Variants in WFDC1 observed in about 807,000 individuals in gnomAD.
The protein encoded by WFDC1 is WAP four-disulfide core domain protein 1.
WFDC1 carries 39 observed loss-of-function variants against 32.9 expected under a neutral mutation model. The ratio of observed to expected loss-of-function variants is 1.19; its 90% CI spans 0.92 to 1.55. The LOEUF (loss-of-function observed/expected upper bound fraction) is 1.55, where lower values mean the gene tolerates loss of function less well. WFDC1 is among the 40% of genes most tolerant of loss of function. WFDC1 has a pLI of 0.00. For synonymous variants in WFDC1, 184 were observed against 137.4 expected (o/e 1.34, Z -2.37); for missense variants, 386 against 309.5 (o/e 1.25, Z -1.85).
intron 1 of WFDC1, chr16:84,295,326 A>G (rs1906530297): frequency 3.5e-6 from 2 of 576,744 alleles, no homozygotes; most frequent in Admixed American, 3.6e-5. Context: ...TCAAGAGGCA[A>G]AAGACACATC....
Position 84,324,469 on chromosome 16 carries a change from A to G in WFDC1, c.604+9A>G. 1.2e-6 allele frequency: 2 copies of G among 1,613,164 alleles called. No individual in the cohort carries two copies. Among genetic ancestry groups the G allele is most frequent in the Non-Finnish European group, 1.7e-6 (2 of 1,179,680 alleles). On this transcript the variant is annotated intron_variant, in intron 5 of 6. Coordinates refer to ENST00000219454, the MANE Select transcript of WFDC1 (RefSeq NM_021197.4). Reference sequence around the variant, plus strand: ...TTACAAAGAATATCCAGGTAAAAGAAGAAACTGTTCTTTCTTTCCAGAGGG... The same window carrying G: ...TTACAAAGAATATCCAGGTAAAAGAGGAAACTGTTCTTTCTTTCCAGAGGG...
chr16:84,310,629 A>C (rs994730929), intron 1 of WFDC1, among the ~76,000 whole-genome samples: 6 of 152,294 alleles, frequency 3.9e-5, no homozygotes, highest in Middle Eastern at 3.4e-3. Context: ...GATCTTGTGT[A>C]TCCTTCCAAA....
intron 1 of WFDC1, chr16:84,297,064 C>T (rs1023692427): frequency 2.6e-5 from 4 of 152,204 alleles, no homozygotes; most frequent in African/African-American, 7.2e-5. Flanking sequence ...CTGATTTTAT[C>T]TCCACCATGT....
intron 1 of WFDC1, among the ~76,000 whole-genome samples, chr16:84,311,527 CTTT>C (rs35243949): frequency 1.1e-5 from 1 of 88,696 alleles, no homozygotes. Context: ...TGCGCCTGGA[CTTT>C]TTTTTTTTTT....
In WFDC1 at chr16:84,317,458, C is replaced by G. The variant is rs1236830899; in HGVS notation, c.338-814C>G. 3 of 152,318 alleles carry G rather than the reference C, an allele frequency of 2.0e-5. No individual in the cohort carries two copies. In the East Asian group the frequency reaches 5.8e-4, roughly 29 times the overall value. The allele number at this position is 152,318 out of a possible 1,614,324, so 9.4% of individuals were successfully genotyped here. A position where few individuals can be genotyped will look rare whatever the true frequency, so the allele number is the denominator to read the frequency against. Reference sequence around the variant, plus strand: ...AGCTGATTCATCCAGGCAGGAGGCACTCTCTGCTTTGCTGTGGCCCTGCCT... The same window carrying G: ...AGCTGATTCATCCAGGCAGGAGGCAGTCTCTGCTTTGCTGTGGCCCTGCCT... On this transcript the variant is annotated intron_variant, in intron 2 of 6. Coordinates refer to ENST00000219454, the MANE Select transcript of WFDC1 (RefSeq NM_021197.4).
chr16:84,322,160 C>CGTGTGTGTGTGTGCGTGTGTGTGTGT (rs1908344846), intron 4 of WFDC1, among the ~76,000 whole-genome samples: 1 of 142,186 alleles, frequency 7.0e-6, no homozygotes, highest in South Asian at 2.4e-4. Context: ...TGTGTGTGTG[C>CGTGTGTGTGTGTGCGTGTGTGTGTGT]GTGTGTGTGT....
chr16:84,312,446 A>G lies in WFDC1; in HGVS notation c.145-515A>G, dbSNP rs534579247. On this transcript the variant is annotated intron_variant, in intron 1 of 6. Transcript: ENST00000219454. Reference sequence around the variant, plus strand: ...TTGATCTGGCTTTTTTCCTTTCTTTATTTTCTGAGATGTAGCGATGTTGTT... The same window carrying G: ...TTGATCTGGCTTTTTTCCTTTCTTTGTTTTCTGAGATGTAGCGATGTTGTT... Among the ~76,000 whole-genome samples the G allele has an allele frequency of 9.9e-5, 15 of 151,890 alleles. No individual in the cohort carries two copies. In the South Asian group the frequency reaches 2.1e-3, roughly 21 times the overall value.
At chr16:84,297,048 T>C (rs1852628280) in intron 1 of WFDC1, 1 of 152,202 alleles carries the variant, frequency 6.6e-6, no homozygotes, top group African/African-American at 2.4e-5. Flanking sequence ...ATTGCCAATA[T>C]GTCATCTGAT....
rs550126282 is a variant in WFDC1 at position 84,313,069 on chromosome 16, G to A, written c.253G>A (p.Ala85Thr). 9.0e-4 allele frequency: 1,275 copies of A among 1,419,250 alleles called. 3 individuals carry two copies. The highest frequency in any genetic ancestry group is 1.1e-3 in the Non-Finnish European group (1,227 of 1,091,264). The allele number at this position is 1,419,250 out of a possible 1,614,324, so 87.9% of individuals were successfully genotyped here. A position where few individuals can be genotyped will look rare whatever the true frequency, so the allele number is the denominator to read the frequency against. ...CGCCTGCCAGGCCGCGCGCTGTCAG[G>A]CGGACTCCGAGTGCCCGCGGCACCG... ...PGACQAARCQADSECPRHRRC... is the reference protein window; with the variant it reads ...PGACQAARCQTDSECPRHRRC... Residue 85 changes from alanine (A) to threonine (T), a missense_variant, in exon 2 of 7, where the codon GCG (alanine) becomes ACG (threonine). Ala to Thr is a moderately conservative substitution (Grantham distance 58, BLOSUM62 0). Transcript: ENST00000219454.
intron 2 of WFDC1, 46 bp downstream of exon 2, chr16:84,313,199 G>A (rs900101920): frequency 7.3e-7 from 1 of 1,374,564 alleles, no homozygotes. Context: ...GAGGACAGGT[G>A]AACAGAGCTG....
At chr16:84,326,820 A>AT in intron 5 of WFDC1, 62 bp from the exon 6 acceptor site, 1 of 1,595,512 alleles carries the variant, frequency 6.3e-7, no homozygotes, top group Non-Finnish European at 8.6e-7. Context: ...CTGGTGAGCC[A>AT]CGGGGGGCAT....
intron 1 of WFDC1, among the ~76,000 whole-genome samples, chr16:84,296,127 C>CA (rs1906583558): frequency 6.6e-6 from 1 of 152,168 alleles, no homozygotes; most frequent in Admixed American, 6.5e-5. Flanking sequence ...CGGAGTGAGC[C>CA]AGGACGATAT....
chr16:84,308,894 T>C (rs1907440318), intron 1 of WFDC1, among the ~76,000 whole-genome samples: 1 of 152,112 alleles, frequency 6.6e-6, no homozygotes, highest in Admixed American at 6.6e-5. Context: ...GATGCCATCC[T>C]GGGTGTAGAC....
chr16:84,311,890 G>T lies in WFDC1; in HGVS notation c.145-1071G>T, dbSNP rs565948491. On this transcript the variant is annotated intron_variant, in intron 1 of 6. Transcript: ENST00000219454. ...ATTAAAACATAATACTTCGGGCCAG[G>T]CGCGGTGGCTCACACCTGTAATCCC... Among the ~76,000 whole-genome samples the T allele has an allele frequency of 1.1e-3, 165 of 152,032 alleles. 1 individual carries two copies. Among genetic ancestry groups the T allele is most frequent in the African/African-American group, 3.8e-3 (157 of 41,466 alleles).
chr16:84,326,778 G>A, intron 5 of WFDC1, 104 bp from the exon 6 acceptor site: 2 of 1,388,470 alleles, frequency 1.4e-6, no homozygotes, highest in Non-Finnish European at 2.0e-6. Context: ...AGGGAGGAGA[G>A]GGCCAGGTCA....
intron 1 of WFDC1, among the ~76,000 whole-genome samples, chr16:84,299,484 A>G (rs1398379332): frequency 6.6e-6 from 1 of 152,132 alleles, no homozygotes; most frequent in Non-Finnish European, 1.5e-5. Context: ...TAACCTTTCC[A>G]TGGAGCTCAG....
chr16:84,326,838 G>T (rs1291768258), intron 5 of WFDC1, 44 bp from the exon 6 acceptor site: 4 of 1,613,262 alleles, frequency 2.5e-6, no homozygotes, highest in Non-Finnish European at 3.4e-6. Flanking sequence ...CATTAGAGCA[G>T]GAATAGATAC....
At chr16:84,319,301 G>C (rs1227441253) in intron 3 of WFDC1, 130 bp from the exon 4 acceptor site, 12 of 1,319,446 alleles carry the variant, frequency 9.1e-6, no homozygotes, top group Non-Finnish European at 1.2e-5. Flanking sequence ...CTGGGGTACA[G>C]AGGCGAGGCC....
rs1239712877 is a variant in WFDC1 at position 84,318,186 on chromosome 16, A to C, written c.338-86A>C. 4.0e-6 allele frequency: 5 copies of C among 1,265,008 alleles called. No individual in the cohort carries two copies. The African/African-American group carries it at 4.4e-5, about 11-fold the overall frequency. The allele number at this position is 1,265,008 out of a possible 1,614,324, so 78.4% of individuals were successfully genotyped here. ...TCCCATGGGGAGCCTCTGTGCTGTCATGAAGTTGGGGTGCCCCCAGCCCCC... is the reference window on the plus strand; with the variant it reads ...TCCCATGGGGAGCCTCTGTGCTGTCCTGAAGTTGGGGTGCCCCCAGCCCCC... On this transcript the variant is annotated intron_variant, in intron 2 of 6. Transcript: ENST00000219454.
Sources: allele counts gnomAD v4.1 joint callset (sites outside exome capture counted in the v4.1 genomes callset), GRCh38; gene constraint gnomAD v4.1.1; transcripts MANE v1.5; gene names NCBI Gene and HGNC (gene_info 2026-07-23, HGNC 2026-07-21).